The following ADGRL2 variants were observed in gnomAD, a reference collection of about 807,000 sequenced individuals.
The protein encoded by ADGRL2 is calcium-independent alpha-latrotoxin receptor 2.
A neutral mutation model predicts 157.4 loss-of-function variants in ADGRL2; 44 were observed. The ratio of observed to expected loss-of-function variants is 0.28; its 90% CI spans 0.22 to 0.36. The LOEUF (loss-of-function observed/expected upper bound fraction) is 0.36, where lower values mean the gene tolerates loss of function less well. Among genes scored for constraint, ADGRL2 ranks in the 10% least tolerant of loss-of-function variants. The probability of loss-of-function intolerance (pLI) is 1.00; values close to 1 mark genes in which losing one functional copy is unlikely to be tolerated. For missense variants in ADGRL2, 1,510 were observed against 1,768.9 expected (o/e 0.85, Z 2.63); for synonymous variants, 585 against 624.7 (o/e 0.94, Z 0.95).
chr1:81,464,771 A>C lies in ADGRL2; in HGVS notation c.-248+19682A>C, dbSNP rs943272606. The stretch of plus-strand genomic sequence containing the variant: ...ACAGGACTGCCTATTCTTTGCACAT[A>C]CCTCATTATCATTTACCTTTACATG... On this transcript the variant is annotated intron_variant, in intron 2 of 24. Transcript: ENST00000370721. Among the ~76,000 whole-genome samples the C allele has an allele frequency of 3.9e-5, 6 of 152,108 alleles. No homozygotes were observed. The East Asian group carries it at 1.2e-3, about 29-fold the overall frequency.
intron 3 of ADGRL2, among the ~76,000 whole-genome samples, chr1:81,608,808 C>T (rs1268851424): frequency 6.6e-6 from 1 of 152,146 alleles, no homozygotes; most frequent in Non-Finnish European, 1.5e-5. Context: ...ATTACTTGCC[C>T]ATTTCTCTGT....
At chr1:81,341,483 A>G (rs1662070458) in intron 1 of ADGRL2, among the ~76,000 whole-genome samples, 1 of 151,462 alleles carries the variant, frequency 6.6e-6, no homozygotes, top group Non-Finnish European at 1.5e-5. Context: ...GCCTATTTTT[A>G]TACTTTTATT....
At chr1:81,621,597 A>G (rs7536003) in intron 3 of ADGRL2, among the ~76,000 whole-genome samples, 29,743 of 152,086 alleles carry the variant, frequency 0.2, 3,170 homozygotes, top group East Asian at 0.35. Context: ...TTTTCCAACA[A>G]CATAAATGAG....
intron 3 of ADGRL2, among the ~76,000 whole-genome samples, chr1:81,666,124 T>C (rs1374463446): frequency 6.6e-6 from 1 of 152,206 alleles, no homozygotes; most frequent in Non-Finnish European, 1.5e-5. Context: ...AATTTTTAAA[T>C]AGACTCTCAA....
intron 1 of ADGRL2, among the ~76,000 whole-genome samples, chr1:81,367,812 A>T (rs181680547): frequency 2.6e-5 from 4 of 152,280 alleles, no homozygotes; most frequent in African/African-American, 7.2e-5. Flanking sequence ...TTGGCCTCCC[A>T]AAGTGCTGAG....
At chr1:81,806,328 A>G (rs2149566456) in intron 1 of ADGRL2, among the ~76,000 whole-genome samples, 1 of 152,190 alleles carries the variant, frequency 6.6e-6, no homozygotes, top group Admixed American at 6.5e-5. Context: ...TTTAAGACAA[A>G]CAGTTGGGGT....
At chr1:81,640,636 T>C (rs975484097) in intron 3 of ADGRL2, among the ~76,000 whole-genome samples, 1 of 147,328 alleles carries the variant, frequency 6.8e-6, no homozygotes, top group Non-Finnish European at 1.5e-5. Context: ...ATCTCAAAAA[T>C]AAATAAATAA....
chr1:81,774,789 T>C (rs1321376182), intron 2 of ADGRL2, among the ~76,000 whole-genome samples: 1 of 152,090 alleles, frequency 6.6e-6, no homozygotes, highest in South Asian at 2.1e-4. Context: ...ATTTTCTTGT[T>C]GAAGTTATGT....
chr1:81,377,373 G>T (rs986815948), intron 1 of ADGRL2, among the ~76,000 whole-genome samples: 1 of 151,890 alleles, frequency 6.6e-6, no homozygotes, highest in Non-Finnish European at 1.5e-5. Flanking sequence ...CTCGGTAAAT[G>T]GTACTATCAT....
At chr1:81,421,939 A>T (rs2077132619) in intron 1 of ADGRL2, among the ~76,000 whole-genome samples, 1 of 152,198 alleles carries the variant, frequency 6.6e-6, no homozygotes, top group Non-Finnish European at 1.5e-5. Flanking sequence ...TCAGCTGGGA[A>T]CATACTACCT....
At chr1:81,797,165 G>C (rs761555702), upstream of ADGRL2, among the ~76,000 whole-genome samples, 15 of 152,140 alleles carry the variant, frequency 9.9e-5, no homozygotes, top group Non-Finnish European at 1.2e-4. Flanking sequence ...AACAAGTAAT[G>C]ATGAAGAAAA....
rs140025437 is a variant in ADGRL2, at chr1:81,824,922, C to T, written c.-100-11963C>T. 6.2e-4 allele frequency among the ~76,000 whole-genome samples: 88 copies of T among 142,700 alleles called. 1 individual carries two copies. The highest frequency in any genetic ancestry group is 7.6e-3 in the Middle Eastern group (2 of 262). The allele number at this position is 142,700 out of a possible 152,430, so 93.6% of individuals were successfully genotyped here. A position where few individuals can be genotyped will look rare whatever the true frequency, so the allele number is the denominator to read the frequency against. On this transcript the variant is annotated intron_variant, in intron 1 of 23. Transcript: ENST00000686636. Reference sequence around the variant, plus strand: ...TTTGAAGTTTGATCTGTTTGGGCGCCGTTTCCAGTTTTGCTTTTTAATTCT... The same window carrying T: ...TTTGAAGTTTGATCTGTTTGGGCGCTGTTTCCAGTTTTGCTTTTTAATTCT...
chr1:81,459,469 G>A (rs1374173644), intron 2 of ADGRL2, among the ~76,000 whole-genome samples: 2 of 152,074 alleles, frequency 1.3e-5, no homozygotes, highest in Non-Finnish European at 2.9e-5. Flanking sequence ...ATGTTCTCAA[G>A]GTTCATCCAT....
chr1:81,494,351 C>T (rs12067546), intron 2 of ADGRL2, among the ~76,000 whole-genome samples: 21,396 of 152,104 alleles, frequency 0.14, 2,745 homozygotes, highest in African/African-American at 0.34. Flanking sequence ...AGGCTCAGTC[C>T]CTTATCCTTC....
intron 2 of ADGRL2, among the ~76,000 whole-genome samples, chr1:81,878,970 C>T (rs555919522): frequency 6.6e-6 from 1 of 152,094 alleles, no homozygotes; most frequent in Non-Finnish European, 1.5e-5. Context: ...ATACTTCCCC[C>T]AAAACATTTA....
intron 1 of ADGRL2, among the ~76,000 whole-genome samples, chr1:81,720,205 C>T (rs1227754406): frequency 6.1e-5 from 8 of 130,322 alleles, no homozygotes; most frequent in South Asian, 2.5e-4. Context: ...TTTTTTGAGA[C>T]GTAATCTTGC....
intron 2 of ADGRL2, among the ~76,000 whole-genome samples, chr1:81,906,271 C>T (rs2094582518): frequency 6.6e-6 from 1 of 152,142 alleles, no homozygotes; most frequent in Admixed American, 6.6e-5. Flanking sequence ...CTCTGAAGAA[C>T]TGAGAGTTCA....
intron 2 of ADGRL2, among the ~76,000 whole-genome samples, chr1:81,570,354 T>C (rs1570532972): frequency 6.6e-6 from 1 of 152,268 alleles, no homozygotes; most frequent in East Asian, 1.9e-4. Context: ...CATTCATATT[T>C]TTAACATGGA....
chr1:81,723,357 G>A lies in ADGRL2; in HGVS notation c.-143+23549G>A, dbSNP rs114586679. On this transcript the variant is annotated intron_variant, in intron 1 of 20. Coordinates refer to the ADGRL2 transcript ENST00000359929. ...ATGGTGGTTTGCCATTAGGGTACTC[G>A]TTCAGATAATGTTTTCCTACTAGGA... is the stretch of plus-strand genomic sequence containing the variant. Among the ~76,000 whole-genome samples, 1,450 of 152,116 alleles carry A rather than the reference G, an allele frequency of 9.5e-3. 25 individuals carry two copies. Among genetic ancestry groups the A allele is most frequent in the African/African-American group, 0.033 (1,378 of 41,484 alleles).
Sources: allele counts gnomAD v4.1 joint callset (sites outside exome capture counted in the v4.1 genomes callset), GRCh38; gene constraint gnomAD v4.1.1; transcripts MANE v1.5; gene names NCBI Gene and HGNC (gene_info 2026-07-23, HGNC 2026-07-21).